The following IL17RB variants were observed in gnomAD, a reference collection of about 807,000 sequenced individuals.
The protein encoded by IL17RB is interleukin 17 receptor B.
In IL17RB, 36 loss-of-function variants were observed where a neutral mutation model predicts 43.9. The observed-to-expected ratio is 0.82, with a 90% CI of 0.63 to 1.08. The LOEUF (loss-of-function observed/expected upper bound fraction) is 1.08. IL17RB is among the 50% of genes least tolerant of loss of function. The pLI, the probability that IL17RB is intolerant of heterozygous loss-of-function variation, is 0.00. For missense variants in IL17RB, 613 were observed against 613.6 expected (o/e 1.00, Z 0.01); for synonymous variants, 225 against 225.4 (o/e 1.00, Z 0.02).
chr3:53,860,209 C>G lies in IL17RB; in HGVS notation c.927C>G (p.Ile309Met). 6.2e-7 allele frequency: 1 copy of G among 1,613,464 alleles called. No homozygotes were observed. Among genetic ancestry groups the G allele is most frequent in the Non-Finnish European group, 8.5e-7 (1 of 1,179,504 alleles). Reference sequence around the variant, plus strand: ...CCACATGGGTGCTGGTGGCAGGGATCTATCTAATGTGGAGGCACGGTAAGG... The same window carrying G: ...CCACATGGGTGCTGGTGGCAGGGATGTATCTAATGTGGAGGCACGGTAAGG... ...LVATWVLVAG[I>M]YLMWRHERIK... The change falls in exon 10 of 11, where the codon ATC (isoleucine) becomes ATG (methionine). Residue 309 changes from isoleucine (I) to methionine (M), a missense_variant. By Grantham distance (10) the Ile-to-Met change is conservative. Coordinates refer to ENST00000288167, the MANE Select transcript of IL17RB (RefSeq NM_018725.4).
intron 5 of IL17RB, among the ~76,000 whole-genome samples, chr3:53,853,444 C>A (rs1699229033): frequency 1.3e-5 from 2 of 152,256 alleles, no homozygotes; most frequent in Admixed American, 1.3e-4. Flanking sequence ...GTTCCTATCT[C>A]AGCTTTCTAG....
chr3:53,851,869 G>A, intron 3 of IL17RB, 130 bp from the exon 4 acceptor site: 1 of 1,038,260 alleles, frequency 9.6e-7, no homozygotes. Context: ...AGACAGTGGT[G>A]CCTACCTTTC....
At chr3:53,858,405 C>CT in intron 8 of IL17RB, 1 of 1,122,398 alleles carries the variant, frequency 8.9e-7, no homozygotes, top group Non-Finnish European at 1.1e-6. Context: ...ACTGCTGCTC[C>CT]TTTTTTCTAG....
rs187061698 is a variant in IL17RB at position 53,855,888 on chromosome 3, T to A, written c.529+547T>A. Among the ~76,000 whole-genome samples, 1,054 of 152,304 alleles carry A rather than the reference T, an allele frequency of 6.9e-3. 47 individuals carry two copies. The highest frequency in any genetic ancestry group is 0.064 in the Admixed American group (985 of 15,298). The stretch of plus-strand genomic sequence containing the variant: ...TTTTACCCCTTGAATTTTGTAGTAA[T>A]CCCCTTTAGGATTATTAGTCCCTAG... On this transcript the variant is annotated intron_variant, in intron 6 of 10. Transcript: ENST00000288167.
chr3:53,864,909 A>G lies in IL17RB; in HGVS notation c.1110A>G (p.Lys370=). The change falls in exon 11 of 11, where the codon AAA becomes AAG. Residue 370 remains lysine (K), a synonymous_variant. Transcript: ENST00000288167. ...RSEVILEKWQ[K]KKIAEMGPVQ... is the part of the protein sequence containing the mutation. ...AGGTCATCCTTGAAAAGTGGCAGAA[A>G]AAGAAAATAGCAGAGATGGGTCCAG... 6.2e-7 allele frequency: 1 copy of G among 1,614,252 alleles called. No homozygotes were observed. Among genetic ancestry groups the G allele is most frequent in the Non-Finnish European group, 8.5e-7 (1 of 1,180,046 alleles).
At chr3:53,851,590 C>T (rs1021062949) in intron 3 of IL17RB, among the ~76,000 whole-genome samples, 5 of 152,110 alleles carry the variant, frequency 3.3e-5, no homozygotes, top group South Asian at 2.1e-4. Flanking sequence ...AAGGTGCAAT[C>T]GGAACAGGTG....
chr3:53,858,704 C>T lies in IL17RB; in HGVS notation c.748-15C>T. On this transcript the variant is annotated splice_polypyrimidine_tract_variant and intron_variant, in intron 8 of 10. Coordinates refer to ENST00000288167, the MANE Select transcript of IL17RB (RefSeq NM_018725.4). The stretch of plus-strand genomic sequence containing the variant: ...TGCATGGTGTGAACTTTCTGAGCCT[C>T]TTGTTTTTCCTCAGCTGACTCCATA... The T allele has an allele frequency of 6.2e-7, 1 of 1,613,342 alleles. No homozygotes were observed. Among genetic ancestry groups the T allele is most frequent in the African/African-American group, 1.3e-5 (1 of 75,034 alleles).
intron 5 of IL17RB, among the ~76,000 whole-genome samples, 164 bp downstream of exon 5, chr3:53,853,161 G>A (rs922324904): frequency 7.9e-5 from 12 of 152,210 alleles, no homozygotes; most frequent in Non-Finnish European, 1.2e-4. Context: ...TTTACCCACA[G>A]AGCAGAGAGA....
intron 3 of IL17RB, 52 bp downstream of exon 3, chr3:53,849,847 A>G (rs1456814949): frequency 6.6e-7 from 1 of 1,517,734 alleles, no homozygotes; most frequent in Non-Finnish European, 8.9e-7. Flanking sequence ...TAAATCAGAA[A>G]TGTGCAGACT....
At chr3:53,852,166 G>A in intron 4 of IL17RB, 40 bp downstream of exon 4, 1 of 1,589,058 alleles carries the variant, frequency 6.3e-7, no homozygotes, top group East Asian at 2.2e-5. Flanking sequence ...TTTTGAGATA[G>A]CATCTTGTTC....
Position 53,858,390 on chromosome 3 carries a change from G to C in IL17RB, c.748-329G>C. The C allele has an allele frequency of 2.8e-6, 3 of 1,087,810 alleles. No homozygotes were observed. The South Asian group carries it at 9.1e-5, about 33-fold the overall frequency. 67.4% of individuals were successfully genotyped at this position (1,087,810 alleles called of 1,614,324 possible). Reference sequence around the variant, plus strand: ...AAGCACTGGCTGAAGGAAGCCAAGAGGATCACTGCTGCTCCTTTTTTCTAG... The same window carrying C: ...AAGCACTGGCTGAAGGAAGCCAAGACGATCACTGCTGCTCCTTTTTTCTAG... On this transcript the variant is annotated intron_variant, in intron 8 of 10. Coordinates refer to ENST00000288167, the MANE Select transcript of IL17RB (RefSeq NM_018725.4).
intron 3 of IL17RB, 62 bp from the exon 4 acceptor site, chr3:53,851,937 G>A (rs978418764): frequency 2.5e-6 from 4 of 1,583,856 alleles, no homozygotes; most frequent in Admixed American, 1.7e-5. Context: ...AAAGCATCTA[G>A]CATCAAGTCA....
intron 8 of IL17RB, 114 bp downstream of exon 8, chr3:53,857,804 C>A: frequency 1.0e-6 from 1 of 962,648 alleles, no homozygotes; most frequent in Non-Finnish European, 1.6e-6. Flanking sequence ...CAGCAGACAC[C>A]AGTTAAGTGG....
chr3:53,856,707 G>A (rs1045228144), intron 6 of IL17RB, 137 bp from the exon 7 acceptor site: 3 of 769,408 alleles, frequency 3.9e-6, no homozygotes, highest in Non-Finnish European at 6.4e-6. Flanking sequence ...ATGATAAAAA[G>A]TTCACTATGT....
intron 7 of IL17RB, 152 bp from the exon 8 acceptor site, chr3:53,857,464 T>G: frequency 1.5e-6 from 1 of 678,416 alleles, no homozygotes; most frequent in Non-Finnish European, 2.7e-6. Flanking sequence ...TTTTTTCATC[T>G]TTAGTAGAGA....
chr3:53,847,676 C>A (rs1279485504), intron 1 of IL17RB, among the ~76,000 whole-genome samples: 1 of 152,000 alleles, frequency 6.6e-6, no homozygotes, highest in Non-Finnish European at 1.5e-5. Flanking sequence ...CGCCTGTAAT[C>A]CCAGCTACTC....
intron 9 of IL17RB, 124 bp downstream of exon 9, chr3:53,858,942 T>G: frequency 1.5e-6 from 1 of 661,822 alleles, no homozygotes; most frequent in South Asian, 1.9e-5. Flanking sequence ...CTGTGTACAC[T>G]GAACTGGGGT....
rs1699694966 is a variant in IL17RB, at chr3:53,864,360, C to T, written c.947-386C>T. Among the ~76,000 whole-genome samples the T allele has an allele frequency of 2.0e-5, 3 of 152,108 alleles. No homozygotes were observed. In the South Asian group the frequency reaches 6.2e-4, roughly 32 times the overall value. On this transcript the variant is annotated intron_variant, in intron 10 of 10. Coordinates refer to ENST00000288167, the MANE Select transcript of IL17RB (RefSeq NM_018725.4). ...GACCATCCTGGCTAACAGGGTGAAACCCCGTCTCTACTAAAAGTACAAAAA... is the reference window on the plus strand; with the variant it reads ...GACCATCCTGGCTAACAGGGTGAAATCCCGTCTCTACTAAAAGTACAAAAA...
intron 10 of IL17RB, among the ~76,000 whole-genome samples, chr3:53,864,373 A>G (rs1202951125): frequency 3.9e-5 from 6 of 152,124 alleles, no homozygotes; most frequent in African/African-American, 7.2e-5. Flanking sequence ...CGTCTCTACT[A>G]AAAGTACAAA....
Sources: gnomAD v4.1 joint callset for allele counts (sites outside exome capture counted in the v4.1 genomes callset) on GRCh38, gnomAD v4.1.1 for gene constraint, MANE v1.5 for transcripts, NCBI Gene and HGNC (gene_info 2026-07-23, HGNC 2026-07-21) for gene names.